Variants in MYT1L observed in about 807,000 individuals in gnomAD.
The protein encoded by MYT1L is myelin transcription factor 1 like.
MYT1L carries 12 observed loss-of-function variants against 126.7 expected under a neutral mutation model. That is an observed-to-expected ratio of 0.09 (90% CI 0.06 to 0.15). MYT1L has a LOEUF of 0.15. MYT1L is among the 10% of genes least tolerant of loss of function. The probability of loss-of-function intolerance (pLI) is 1.00; values close to 1 mark genes in which losing one functional copy is unlikely to be tolerated. For missense variants in MYT1L, 979 were observed against 1,585.2 expected, an observed-to-expected ratio of 0.62 and a Z score of 6.49; for synonymous variants, 541 against 604.2, an observed-to-expected ratio of 0.90 and a Z score of 1.53.
chr2:1,808,600 A>G (rs2036091247), intron 22 of MYT1L, among the ~76,000 whole-genome samples: 1 of 152,180 alleles, frequency 6.6e-6, no homozygotes, highest in African/African-American at 2.4e-5. Context: ...CTGGTTGGTG[A>G]CAAGAGAGAC....
At chr2:2,286,464 G>T (rs1241939434) in intron 1 of MYT1L, among the ~76,000 whole-genome samples, 2 of 152,082 alleles carry the variant, frequency 1.3e-5, no homozygotes, top group Admixed American at 6.5e-5. Flanking sequence ...ACTTTTAAAA[G>T]AAGTAATGCA....
At chr2:1,810,502 T>C (rs1175613361) in intron 21 of MYT1L, among the ~76,000 whole-genome samples, 1 of 152,208 alleles carries the variant, frequency 6.6e-6, no homozygotes, top group Non-Finnish European at 1.5e-5. Context: ...ATATTGTATT[T>C]CACCTGTATA....
At chr2:1,857,905 C>T (rs2044113135) in intron 18 of MYT1L, among the ~76,000 whole-genome samples, 1 of 151,720 alleles carries the variant, frequency 6.6e-6, no homozygotes, top group South Asian at 2.1e-4. Flanking sequence ...CTCTGTTGCC[C>T]AGGCTGGAGT....
chr2:1,831,629 A>G (rs988140735), intron 21 of MYT1L, among the ~76,000 whole-genome samples: 1 of 152,134 alleles, frequency 6.6e-6, no homozygotes. Context: ...CCCACGGCCA[A>G]TGCCCCAAAT....
rs778005598 is a variant in MYT1L, at chr2:1,889,511, C to G, written c.2284-34G>C. On this transcript the variant is annotated intron_variant, in intron 15 of 24. Transcript: ENST00000647738. This position sits in a 1 kb window ranked among gnomAD's most constrained non-coding sequence, Gnocchi z 4.1. ...AGAAAGACATAGTGACTGTGCTTGG[C>G]CCGGCATCTTGTGACACCACGAGTC... 6.5e-7 allele frequency: 1 copy of G among 1,527,836 alleles called. No homozygotes were observed. Among genetic ancestry groups the G allele is most frequent in the Non-Finnish European group, 8.9e-7 (1 of 1,127,224 alleles). The allele number at this position is 1,527,836 out of a possible 1,614,324, so 94.6% of individuals were successfully genotyped here. A position where few individuals can be genotyped will look rare whatever the true frequency, so the allele number is the denominator to read the frequency against.
At chr2:2,019,853 T>G (rs912619849) in intron 4 of MYT1L, among the ~76,000 whole-genome samples, 3 of 152,116 alleles carry the variant, frequency 2.0e-5, no homozygotes, top group Non-Finnish European at 4.4e-5. Flanking sequence ...GTGTAATTAT[T>G]TTATTTATTT....
intron 1 of MYT1L, among the ~76,000 whole-genome samples, chr2:2,295,783 GAGAC>G (rs1191939746): frequency 3.2e-5 from 4 of 126,800 alleles, no homozygotes; most frequent in South Asian, 3.1e-4. Context: ...GAGAGATAGA[GAGAC>G]AGACAGAGAG....
intron 14 of MYT1L, among the ~76,000 whole-genome samples, chr2:1,895,327 G>A (rs2049435083): frequency 1.3e-5 from 2 of 152,112 alleles, no homozygotes; most frequent in South Asian, 4.1e-4. Context: ...AACTACCAAC[G>A]TAATTCTTTA....
chr2:1,904,445 T>C (rs2050766091), intron 13 of MYT1L, among the ~76,000 whole-genome samples: 1 of 152,148 alleles, frequency 6.6e-6, no homozygotes, highest in Non-Finnish European at 1.5e-5. Flanking sequence ...CTCAGCTCAC[T>C]GCCACCCCCA....
At chr2:2,068,760 GTTC>G (rs1393136426) in intron 3 of MYT1L, among the ~76,000 whole-genome samples, 36 of 26,666 alleles carry the variant, frequency 1.4e-3, no homozygotes, top group African/African-American at 1.9e-3. Flanking sequence ...AGACACCTGT[GTTC>G]TTCTTGTTTT....
At chr2:1,840,934 C>T (rs1240990243) in intron 19 of MYT1L, 91 bp from the exon 20 acceptor site, 19 of 839,988 alleles carry the variant, frequency 2.3e-5, no homozygotes, top group African/African-American at 1.8e-4. Flanking sequence ...GACAGAGTCT[C>T]ACTCTGTCAC....
In MYT1L at chr2:2,303,068, G is replaced by GA. The variant is rs376682075; in HGVS notation, c.-520-18566dup. On this transcript the variant is annotated intron_variant, in intron 1 of 24. Transcript: ENST00000647738. The stretch of plus-strand genomic sequence containing the variant: ...ATTTTTAATTCTAGGTTAAAAATGG[G>GA]AAAAAAAACAACAAGAATAATAGTA... 7.7e-4 allele frequency among the ~76,000 whole-genome samples: 117 copies of GA among 151,618 alleles called. 1 individual carries two copies. In the South Asian group the frequency reaches 8.1e-3, roughly 11 times the overall value.
At chr2:2,203,999 A>G (rs2148847344) in intron 2 of MYT1L, among the ~76,000 whole-genome samples, 1 of 152,334 alleles carries the variant, frequency 6.6e-6, no homozygotes, top group Middle Eastern at 3.4e-3. Context: ...TAACAAAAAC[A>G]AGAAATGGGG....
Position 2,012,034 on chromosome 2 carries a change from G to A in MYT1L, c.-157-14687C>T, listed in dbSNP as rs75099097. 3.4e-4 allele frequency among the ~76,000 whole-genome samples: 52 copies of A among 152,274 alleles called. 1 individual carries two copies. In the East Asian group the frequency reaches 0.01, roughly 29 times the overall value. On this transcript the variant is annotated intron_variant, in intron 4 of 24. Coordinates refer to ENST00000647738, the MANE Select transcript of MYT1L (RefSeq NM_001303052.2). ...GAAAACAGTGAGGCAGCTCCTGAAC[G>A]GATTCACCAGAGTCGAGTCACTATG...
intron 18 of MYT1L, among the ~76,000 whole-genome samples, chr2:1,883,215 G>A (rs567553378): frequency 2.8e-4 from 42 of 152,264 alleles, no homozygotes; most frequent in African/African-American, 8.7e-4. Context: ...TTGGCCAACC[G>A]AAGCATCAAT....
At chr2:2,291,399 G>C (rs778906233) in intron 1 of MYT1L, among the ~76,000 whole-genome samples, 1 of 152,170 alleles carries the variant, frequency 6.6e-6, no homozygotes, top group Non-Finnish European at 1.5e-5. Flanking sequence ...CCCCATGCCT[G>C]CCCATGACTT....
intron 4 of MYT1L, among the ~76,000 whole-genome samples, chr2:2,001,419 T>C (rs1558683232): frequency 1.3e-5 from 2 of 152,188 alleles, no homozygotes; most frequent in African/African-American, 4.8e-5. Context: ...TTTTTGTCTT[T>C]ACAAAAGGAT....
chr2:2,289,451 T>G (rs2095567378), intron 1 of MYT1L, among the ~76,000 whole-genome samples: 1 of 152,228 alleles, frequency 6.6e-6, no homozygotes, highest in African/African-American at 2.4e-5. Context: ...GTGAGCTAAT[T>G]TTTACATATA....
At chr2:2,289,775 T>C (rs922509302) in intron 1 of MYT1L, among the ~76,000 whole-genome samples, 11 of 152,198 alleles carry the variant, frequency 7.2e-5, no homozygotes, top group Non-Finnish European at 1.6e-4. Context: ...TCTGAGACGT[T>C]AGGTGAGTTT....
Sources: gnomAD v4.1 joint callset for allele counts (sites outside exome capture counted in the v4.1 genomes callset) on GRCh38, gnomAD v4.1.1 for gene constraint, Gnocchi (gnomAD v3.1) non-coding constraint, MANE v1.5 for transcripts, NCBI Gene and HGNC (gene_info 2026-07-23, HGNC 2026-07-21) for gene names.